Variants in RGS20 observed in about 807,000 individuals in gnomAD.
RGS20 encodes the protein gz-selective GTPase-activating protein.
A neutral mutation model predicts 33.6 loss-of-function variants in RGS20; 30 were observed. The observed-to-expected ratio is 0.89, with a 90% confidence interval of 0.67 to 1.21. RGS20 has a LOEUF of 1.21. Among genes scored for constraint, RGS20 ranks in the 50% most tolerant of loss-of-function variants. RGS20 has a pLI of 0.00. For missense variants in RGS20, 472 were observed against 502.4 expected, an observed-to-expected ratio of 0.94 and a Z score of 0.58; for synonymous variants, 208 against 197.9, an observed-to-expected ratio of 1.05 and a Z score of -0.43.
chr8:53,863,514 T>C (rs1359088664), intron 1 of RGS20, among the ~76,000 whole-genome samples: 1 of 152,118 alleles, frequency 6.6e-6, no homozygotes, highest in Non-Finnish European at 1.5e-5. Context: ...CAGTGCGACT[T>C]GAGGCTCAGT....
chr8:53,889,989 G>A (rs543593504), intron 2 of RGS20, among the ~76,000 whole-genome samples: 2 of 151,972 alleles, frequency 1.3e-5, no homozygotes, highest in Non-Finnish European at 2.9e-5. Flanking sequence ...TTTTATCTGT[G>A]GATTGACGTC....
chr8:53,905,572 G>A (rs1813141644), intron 2 of RGS20, among the ~76,000 whole-genome samples: 1 of 152,172 alleles, frequency 6.6e-6, no homozygotes, highest in Non-Finnish European at 1.5e-5. Context: ...GAACATCACT[G>A]TTGACCAGCA....
intron 2 of RGS20, among the ~76,000 whole-genome samples, chr8:53,935,866 C>A (rs536680154): frequency 1.3e-5 from 2 of 151,986 alleles, no homozygotes; most frequent in African/African-American, 4.8e-5. Context: ...ACTGGCAAAC[C>A]GAATCCAGCA....
chr8:53,925,443 C>A (rs1813764013), intron 2 of RGS20, among the ~76,000 whole-genome samples: 1 of 152,100 alleles, frequency 6.6e-6, no homozygotes. Flanking sequence ...GGCAGGGTTC[C>A]CAGCAGGGCA....
rs563105512 is a variant in RGS20, at chr8:53,906,899, G to A, written c.510+27297G>A. The stretch of plus-strand genomic sequence containing the variant: ...CATCCCAGTGCAATGCAAGGGGAAG[G>A]CTTACAGCTGAGAGTTAGGAGGGAG... On this transcript the variant is annotated intron_variant, in intron 2 of 5. Transcript: ENST00000297313. Among the ~76,000 whole-genome samples, 210 of 152,256 alleles carry A rather than the reference G, an allele frequency of 1.4e-3. 3 individuals carry two copies. Among genetic ancestry groups the A allele is most frequent in the Non-Finnish European group, 5.3e-4 (36 of 68,010 alleles).
At chr8:53,886,866 T>C (rs1017786345) in intron 2 of RGS20, 40 of 152,316 alleles carry the variant, frequency 2.6e-4, no homozygotes, top group African/African-American at 9.6e-4. Flanking sequence ...TTTTGCAACA[T>C]TGGAAAGAAT....
intron 4 of RGS20, among the ~76,000 whole-genome samples, chr8:53,950,376 C>T (rs73589272): frequency 0.017 from 2,578 of 152,160 alleles, 76 homozygotes; most frequent in African/African-American, 0.059. Context: ...CTAGAAATGT[C>T]TCAGATTTCA....
intron 2 of RGS20, among the ~76,000 whole-genome samples, chr8:53,894,721 A>G (rs192299518): frequency 2.0e-5 from 3 of 152,348 alleles, no homozygotes; most frequent in Admixed American, 2.0e-4. Context: ...TGTCAGGCAC[A>G]TTAGGCAACC....
intron 5 of RGS20, among the ~76,000 whole-genome samples, chr8:53,956,651 C>T (rs934342832): frequency 1.6e-4 from 25 of 152,270 alleles, no homozygotes; most frequent in East Asian, 1.2e-3. Flanking sequence ...TGCGTCGTTA[C>T]GTTTTGCTTT....
chr8:53,881,026 C>G (rs781659513), intron 2 of RGS20: 1 of 1,589,270 alleles, frequency 6.3e-7, no homozygotes, highest in Non-Finnish European at 8.5e-7. Context: ...ATGCGCACGG[C>G]GGACGGAGGC....
intron 2 of RGS20, among the ~76,000 whole-genome samples, chr8:53,913,282 A>T (rs1477084606): frequency 6.6e-6 from 1 of 152,052 alleles, no homozygotes; most frequent in East Asian, 1.9e-4. Flanking sequence ...AATATTAATA[A>T]ATTATCACAC....
At chr8:53,954,337 C>T (rs1563439394) in intron 5 of RGS20, 27 bp downstream of exon 4, 1 of 1,450,632 alleles carries the variant, frequency 6.9e-7, no homozygotes, top group Admixed American at 1.7e-5. Flanking sequence ...TGCCTTTTCC[C>T]AAGGCTGTTG....
At chr8:53,852,578 T>C (rs1811590713) in intron 1 of RGS20, among the ~76,000 whole-genome samples, 1 of 152,150 alleles carries the variant, frequency 6.6e-6, no homozygotes, top group Non-Finnish European at 1.5e-5. Context: ...TATCAGTAGG[T>C]AATAACATTA....
At chr8:53,911,866 G>A (rs1316076745) in intron 2 of RGS20, among the ~76,000 whole-genome samples, 1 of 152,148 alleles carries the variant, frequency 6.6e-6, no homozygotes, top group Non-Finnish European at 1.5e-5. Context: ...GCTTGAACCC[G>A]GGAGGTGAAA....
At chr8:53,852,151 G>A (rs1314542238) in intron 1 of RGS20, 1 of 1,223,036 alleles carries the variant, frequency 8.2e-7, no homozygotes, top group East Asian at 2.4e-5. Flanking sequence ...TCAAGCTTTA[G>A]TGCCATTGCT....
intron 3 of RGS20, among the ~76,000 whole-genome samples, chr8:53,942,500 CT>C (rs1814328911): frequency 6.6e-6 from 1 of 151,544 alleles, no homozygotes; most frequent in Non-Finnish European, 1.5e-5. Context: ...AACCTATACC[CT>C]GGAAAAACTT....
In RGS20 at chr8:53,939,792, G is replaced by A. The variant is rs1814238512; in HGVS notation, c.659+68G>A. The A allele has an allele frequency of 4.8e-6, 7 of 1,468,758 alleles. No individual in the cohort carries two copies. In the South Asian group the frequency reaches 9.7e-5, roughly 20 times the overall value. 91.0% of individuals were successfully genotyped at this position (1,468,758 alleles called of 1,614,324 possible). On this transcript the variant is annotated intron_variant, in intron 3 of 5. Coordinates refer to ENST00000297313, the MANE Select transcript of RGS20 (RefSeq NM_170587.4). ...AGTGTAATGTGCTCCTGACTGGGAC[G>A]TGGCACCCCTGAAAGTGGTGGCAGC...
At chr8:53,941,515 A>G (rs1814296818) in intron 3 of RGS20, among the ~76,000 whole-genome samples, 1 of 152,254 alleles carries the variant, frequency 6.6e-6, no homozygotes, top group South Asian at 2.1e-4. Flanking sequence ...TTGATATAAA[A>G]TGTGGCAATG....
At chr8:53,876,952 C>T (rs1158007618) in intron 1 of RGS20, among the ~76,000 whole-genome samples, 1 of 152,166 alleles carries the variant, frequency 6.6e-6, no homozygotes, top group Admixed American at 6.5e-5. Flanking sequence ...ATGAAGCGTG[C>T]CTGAGGAAGG....
Sources: gnomAD v4.1 joint callset for allele counts (sites outside exome capture counted in the v4.1 genomes callset) on GRCh38, gnomAD v4.1.1 for gene constraint, MANE v1.5 for transcripts, NCBI Gene and HGNC (gene_info 2026-07-23, HGNC 2026-07-21) for gene names.